Variants in TAP2 observed in about 807,000 individuals in gnomAD.
The protein encoded by TAP2 is transporter 2, ATP binding cassette subfamily B member.
Under a neutral mutation model 74.7 loss-of-function variants are expected in TAP2, and 49 were observed. The observed-to-expected ratio is 0.66, with a 90% CI of 0.52 to 0.83. The LOEUF is 0.83. Ranked by LOEUF, TAP2 falls within the 40% of genes least tolerant of loss-of-function variation. The pLI, the probability that TAP2 is intolerant of heterozygous loss-of-function variation, is 0.00. For missense variants in TAP2, 739 were observed against 859.0 expected, an observed-to-expected ratio of 0.86 and a Z score of 1.75; for synonymous variants, 306 against 368.4, an observed-to-expected ratio of 0.83 and a Z score of 1.94.
chr6:32,836,233 A>C (rs1157871685), intron 3 of TAP2, among the ~76,000 whole-genome samples: 1 of 152,168 alleles, frequency 6.6e-6, no homozygotes, highest in African/African-American at 2.4e-5. Flanking sequence ...TGGGAACTGC[A>C]ATAATAAATT....
Position 32,838,160 on chromosome 6 carries a change from C to T in TAP2, c.74G>A (p.Gly25Asp). ...VDAALLWLLQGPLGTLLPQGL... is the reference protein window; with the variant it reads ...VDAALLWLLQDPLGTLLPQGL... The stretch of plus-strand genomic sequence containing the variant: ...TTGAGGAAGCAAAGTCCCCAGAGGG[C>T]CCTGAAGCAGCCACAGTAAAGCCGC... The change falls in exon 2 of 12, where the codon GGC (glycine) becomes GAC (aspartate). Residue 25 changes from glycine to aspartate, a missense_variant. Physicochemically the swap from Gly to Asp is moderately conservative, Grantham distance 94. Transcript: ENST00000374897. 1.9e-6 allele frequency: 3 copies of T among 1,601,868 alleles called. No homozygotes were observed. Among genetic ancestry groups the T allele is most frequent in the East Asian group, 2.2e-5 (1 of 44,672 alleles).
intron 10 of TAP2, 36 bp downstream of exon 10, chr6:32,829,894 T>C: frequency 1.9e-6 from 3 of 1,612,840 alleles, no homozygotes; most frequent in Non-Finnish European, 2.5e-6. Flanking sequence ...TTCTCTTTTT[T>C]ACTGAAGGAG....
Position 32,832,531 on chromosome 6 carries a change from A to G in TAP2, c.1144-70T>C. On this transcript the variant is annotated intron_variant, in intron 6 of 11. Transcript: ENST00000374897. This position sits in a 1 kb window ranked among gnomAD's most constrained non-coding sequence, Gnocchi z 5.9. ...CTTTCCCCCTCTCTGCCTCTATGAG[A>G]CTGAGCTGCAAAGGCCTCTAGAACC... The G allele has an allele frequency of 6.2e-7, 1 of 1,610,858 alleles. No homozygotes were observed. The highest frequency in any genetic ancestry group is 8.5e-7 in the Non-Finnish European group (1 of 1,178,770).
At chr6:32,838,612 G>C (rs1582595608) in intron 1 of TAP2, 41 bp downstream of exon 1, 1 of 231,276 alleles carries the variant, frequency 4.3e-6, no homozygotes, top group Non-Finnish European at 8.3e-6. Context: ...CTTGGGCTGC[G>C]TCCCTGTTGG....
chr6:32,837,421 TTAGTTTAAG>T, intron 3 of TAP2, 107 bp downstream of exon 3: 1 of 800,098 alleles, frequency 1.2e-6, no homozygotes, highest in Non-Finnish European at 2.2e-6. Context: ...TCACCATATT[TTAGTTTAAG>T]TATTTTTGTG....
Position 32,828,676 on chromosome 6 carries a change from C to CCCGG in TAP2, c.*229_*230insCCGG. On this transcript the variant is annotated 3_prime_UTR_variant, in exon 12 of 12. Coordinates refer to ENST00000374897, the MANE Select transcript of TAP2 (RefSeq NM_001290043.2). ...AATTAAGTTTCCTGGACACAGACAG[C>CCCGG]CCCCACCCCACCCCACCCCACCTCT... 1.2e-6 allele frequency: 1 copy of CCCGG among 802,752 alleles called. No individual in the cohort carries two copies. The highest frequency in any genetic ancestry group is 1.5e-6 in the Non-Finnish European group (1 of 680,836). The allele number at this position is 802,752 out of a possible 1,614,324, so 49.7% of individuals were successfully genotyped here.
At chr6:32,824,045 A>G (rs1768481874), downstream of TAP2, among the ~76,000 whole-genome samples, 1 of 152,144 alleles carries the variant, frequency 6.6e-6, no homozygotes, top group South Asian at 2.1e-4. Flanking sequence ...TTTAAAGAAT[A>G]TATTTTGATT....
chr6:32,837,855 T>C lies in TAP2; in HGVS notation c.379A>G (p.Lys127Glu). ...AVLSPPGAQE[K>E]EQDQVNNKVL... ...TTGTTGTTCACCTGGTCCTGCTCCT[T>C]CTCCTGGGCTCCAGGAGGGCTCAGA... Residue 127 changes from lysine (K) to glutamate (E), a missense_variant, in exon 2 of 12, where the codon AAG becomes GAG. Coordinates refer to ENST00000374897, the MANE Select transcript of TAP2 (RefSeq NM_001290043.2). 2 of 1,613,160 alleles carry C rather than the reference T, an allele frequency of 1.2e-6. No individual in the cohort carries two copies. Among genetic ancestry groups the C allele is most frequent in the Non-Finnish European group, 1.7e-6 (2 of 1,179,898 alleles).
At chr6:32,830,173 G>A in intron 9 of TAP2, 84 bp from the exon 10 acceptor site, 1 of 1,612,180 alleles carries the variant, frequency 6.2e-7, no homozygotes, top group South Asian at 1.1e-5. Flanking sequence ...ACCTCCCTCA[G>A]AATGAACACC....
In TAP2 at chr6:32,828,998, G is replaced by A. The variant is rs1768855164; in HGVS notation, c.1969C>T (p.Leu657=). The A allele has an allele frequency of 1.3e-6, 2 of 1,552,172 alleles. No individual in the cohort carries two copies. Among genetic ancestry groups the A allele is most frequent in the Non-Finnish European group, 1.7e-6 (2 of 1,148,018 alleles). The change falls in exon 12 of 12, where the codon CTG becomes TTG. Residue 657 remains leucine, a synonymous_variant. Coordinates refer to ENST00000374897, the MANE Select transcript of TAP2 (RefSeq NM_001290043.2). The part of the protein sequence containing the change: ...DWNSRGDRTV[L]VIAHRLQTVQ... Reference sequence around the variant, plus strand: ...GTCTGCAGCCTGTGAGCAATCACCAGCACTGTGCGATCCCCACGGGAATTC... The same window carrying A: ...GTCTGCAGCCTGTGAGCAATCACCAACACTGTGCGATCCCCACGGGAATTC...
intron 9 of TAP2, 39 bp from the exon 10 acceptor site, chr6:32,830,128 C>A (rs747405535): frequency 1.9e-6 from 3 of 1,612,812 alleles, no homozygotes; most frequent in Non-Finnish European, 1.7e-6. Context: ...TATGTGTAAA[C>A]CCCCAAGGCA....
At chr6:32,829,801 C>A (rs905111768) in intron 10 of TAP2, 129 bp downstream of exon 10, 1 of 1,297,046 alleles carries the variant, frequency 7.7e-7, no homozygotes, top group African/African-American at 1.4e-5. Flanking sequence ...GGGAAGGAGA[C>A]GTAGGAATGG....
Position 32,828,188 on chromosome 6 carries a change from G to A in TAP2, c.*718C>T, listed in dbSNP as rs241456. The A allele has an allele frequency of 0.24, 210,126 of 882,234 alleles. 25,808 individuals carry two copies. Among genetic ancestry groups the A allele is most frequent in the South Asian group, 0.39 (7,325 of 18,758 alleles). 54.7% of individuals were successfully genotyped at this position (882,234 alleles called of 1,614,324 possible). A position where few individuals can be genotyped will look rare whatever the true frequency, so the allele number is the denominator to read the frequency against. ...ATAATAACCAACCTCATAGGGTTGG[G>A]GATAATGATTAAAAACGATAATACA... is the stretch of plus-strand genomic sequence containing the variant. On this transcript the variant is annotated 3_prime_UTR_variant, in exon 12 of 12. Transcript: ENST00000374897.
chr6:32,823,053 G>A (rs1768401615), downstream of TAP2, among the ~76,000 whole-genome samples: 1 of 151,410 alleles, frequency 6.6e-6, no homozygotes, highest in African/African-American at 2.4e-5. Context: ...CCAAGTAGCT[G>A]GGATTACAGG....
intron 3 of TAP2, among the ~76,000 whole-genome samples, chr6:32,836,440 G>A (rs3819714): frequency 0.39 from 58,522 of 151,854 alleles, 11,607 homozygotes; most frequent in Admixed American, 0.47. Context: ...AGGCGTTTGG[G>A]AGAGTCAGAC....
chr6:32,827,322 A>T lies in TAP2; in HGVS notation c.*1584T>A. The T allele has an allele frequency of 1.0e-6, 1 of 985,284 alleles. No individual in the cohort carries two copies. The highest frequency in any genetic ancestry group is 1.2e-6 in the Non-Finnish European group (1 of 829,874). 61.0% of individuals were successfully genotyped at this position (985,284 alleles called of 1,614,324 possible). On this transcript the variant is annotated 3_prime_UTR_variant, in exon 12 of 12. Transcript: ENST00000374897. ...GATTAAGATTAGTACGATGGTGGAG[A>T]TATTTATTCATTTATTCAATTGACT... is the stretch of plus-strand genomic sequence containing the variant.
Position 32,826,483 on chromosome 6 carries a change from A to C in TAP2, c.*2423T>G, listed in dbSNP as rs1768657828. On this transcript the variant is annotated 3_prime_UTR_variant, in exon 12 of 12. Coordinates refer to ENST00000374897, the MANE Select transcript of TAP2 (RefSeq NM_001290043.2). ...GAGTGAACAAAAAGAACTCTGGAGC[A>C]AACCAGGATTAGTGACATCTGTGGT... 1.0e-6 allele frequency: 1 copy of C among 985,332 alleles called. No homozygotes were observed. 61.0% of individuals were successfully genotyped at this position (985,332 alleles called of 1,614,324 possible). A position where few individuals can be genotyped will look rare whatever the true frequency, so the allele number is the denominator to read the frequency against.
In TAP2 at chr6:32,827,641, C is replaced by T. The variant is rs73738932; in HGVS notation, c.*1265G>A. On this transcript the variant is annotated 3_prime_UTR_variant, in exon 12 of 12. Coordinates refer to ENST00000374897, the MANE Select transcript of TAP2 (RefSeq NM_001290043.2). Reference sequence around the variant, plus strand: ...CGAGCAGAAAATGGGCAAGAAAACACCATATGCAAAGGCACAAAGGTGTTG... The same window carrying T: ...CGAGCAGAAAATGGGCAAGAAAACATCATATGCAAAGGCACAAAGGTGTTG... 2,197 of 756,104 alleles carry T rather than the reference C, an allele frequency of 2.9e-3. 24 individuals are homozygous for T. The African/African-American group carries it at 0.033, about 11-fold the overall frequency. 46.8% of individuals were successfully genotyped at this position (756,104 alleles called of 1,614,324 possible). A position where few individuals can be genotyped will look rare whatever the true frequency, so the allele number is the denominator to read the frequency against.
At position 32,828,655 on chromosome 6, in the gene TAP2, A is replaced by C; in HGVS notation, c.*251T>G. On this transcript the variant is annotated 3_prime_UTR_variant, in exon 12 of 12. Transcript: ENST00000374897. Reference sequence around the variant, plus strand: ...GCAAAGCTCTAGTCACCAGGGAATTAAGTTTCCTGGACACAGACAGCCCCC... The same window carrying C: ...GCAAAGCTCTAGTCACCAGGGAATTCAGTTTCCTGGACACAGACAGCCCCC... 8.2e-7 allele frequency: 1 copy of C among 1,217,738 alleles called. No individual in the cohort carries two copies. Among genetic ancestry groups the C allele is most frequent in the Non-Finnish European group, 1.0e-6 (1 of 973,376 alleles). The allele number at this position is 1,217,738 out of a possible 1,614,324, so 75.4% of individuals were successfully genotyped here. A position where few individuals can be genotyped will look rare whatever the true frequency, so the allele number is the denominator to read the frequency against.
Sources: gnomAD v4.1 joint callset for allele counts (sites outside exome capture counted in the v4.1 genomes callset) on GRCh38, gnomAD v4.1.1 for gene constraint, Gnocchi (gnomAD v3.1) non-coding constraint, MANE v1.5 for transcripts, NCBI Gene and HGNC (gene_info 2026-07-23, HGNC 2026-07-21) for gene names.